PDCD6: variants seen among roughly 807,000 people sequenced by gnomAD.
PDCD6 encodes programmed cell death protein 6.
A neutral mutation model predicts 28.3 loss-of-function variants in PDCD6; 12 were observed. The observed-to-expected ratio is 0.42, with a 90% CI of 0.27 to 0.69. The LOEUF (loss-of-function observed/expected upper bound fraction) is 0.69, where lower values mean the gene tolerates loss of function less well. PDCD6 is among the 30% of genes least tolerant of loss of function. The pLI, the probability that PDCD6 is intolerant of heterozygous loss-of-function variation, is 0.22. For synonymous variants in PDCD6, 92 were observed against 108.0 expected (o/e 0.85, Z 0.92); for missense variants, 226 against 269.9 (o/e 0.84, Z 1.14).
At chr5:288,684 A>T in intron 2 of PDCD6, 1 of 409,414 alleles carries the variant, frequency 2.4e-6, no homozygotes, top group Non-Finnish European at 4.3e-6. Flanking sequence ...TACGTGTACA[A>T]CTCTTCCAGG....
At position 307,325 on chromosome 5, in the gene PDCD6, A is replaced by C; in HGVS notation, c.367+565A>C. Among the ~76,000 whole-genome samples the C allele has an allele frequency of 1.8e-5, 1 of 54,918 alleles. No individual in the cohort carries two copies. Among genetic ancestry groups the C allele is most frequent in the Non-Finnish European group, 5.2e-5 (1 of 19,234 alleles). 36.0% of individuals were successfully genotyped at this position (54,918 alleles called of 152,430 possible). A position where few individuals can be genotyped will look rare whatever the true frequency, so the allele number is the denominator to read the frequency against. ...TTAGGCAGAACGCGTGCCCATTCTC[A>C]GGTGTGCTCGGCGTGTGTGTGCTCG... On this transcript the variant is annotated intron_variant, in intron 4 of 5. Coordinates refer to ENST00000264933, the MANE Select transcript of PDCD6 (RefSeq NM_013232.4). The surrounding 1 kb of genome is among the most constrained non-coding windows in gnomAD (Gnocchi z 6.1).
At chr5:283,609 A>G (rs879264276) in intron 2 of PDCD6, among the ~76,000 whole-genome samples, 5 of 151,936 alleles carry the variant, frequency 3.3e-5, no homozygotes, top group Non-Finnish European at 5.9e-5. Flanking sequence ...GAAGGAGCTG[A>G]TGTTCTAGAT....
intron 2 of PDCD6, among the ~76,000 whole-genome samples, chr5:299,743 G>C (rs955001084): frequency 3.9e-5 from 6 of 152,044 alleles, no homozygotes; most frequent in African/African-American, 9.7e-5. Context: ...TAGAGATGGG[G>C]TTTCACCATA....
At chr5:297,977 A>G (rs1579520135) in intron 2 of PDCD6, among the ~76,000 whole-genome samples, 1 of 152,206 alleles carries the variant, frequency 6.6e-6, no homozygotes, top group African/African-American at 2.4e-5. Flanking sequence ...AACAAATGAC[A>G]AATTTATTTC....
chr5:291,530 A>G lies in PDCD6; in HGVS notation c.164-12647A>G, dbSNP rs369286430. 5.5e-3 allele frequency among the ~76,000 whole-genome samples: 740 copies of G among 133,736 alleles called. 7 individuals are homozygous for G. Among genetic ancestry groups the G allele is most frequent in the South Asian group, 0.055 (229 of 4,196 alleles). 87.7% of individuals were successfully genotyped at this position (133,736 alleles called of 152,430 possible). A position where few individuals can be genotyped will look rare whatever the true frequency, so the allele number is the denominator to read the frequency against. On this transcript the variant is annotated intron_variant, in intron 2 of 5. Transcript: ENST00000264933. ...CTCCCTGAGACCCACCCACACTGAC[A>G]TGGCTCATTTTCATTGCTGCGTGAT...
intron 5 of PDCD6, among the ~76,000 whole-genome samples, 198 bp from the exon 6 acceptor site, chr5:314,219 C>A (rs1345793930): frequency 6.6e-6 from 1 of 152,198 alleles, no homozygotes; most frequent in African/African-American, 2.4e-5. Context: ...AGCCCCGCAG[C>A]CCTGTGTTCT....
rs1296224854 is a variant in PDCD6, at chr5:296,556, A to G, written c.164-7621A>G. On this transcript the variant is annotated intron_variant, in intron 2 of 5. Transcript: ENST00000264933. ...GAGTGAGGGACCCCCAGAGACATGAATGGGTCTCAGATAGTGTGTGAGTGG... is the reference window on the plus strand; with the variant it reads ...GAGTGAGGGACCCCCAGAGACATGAGTGGGTCTCAGATAGTGTGTGAGTGG... Among the ~76,000 whole-genome samples the G allele has an allele frequency of 2.6e-5, 4 of 152,198 alleles. No individual in the cohort carries two copies. The South Asian group carries it at 8.3e-4, about 31-fold the overall frequency.
At position 305,142 on chromosome 5, in the gene PDCD6, C is replaced by T. The variant is rs574130712; in HGVS notation, c.208+921C>T. The T allele has an allele frequency of 6.6e-6, 1 of 152,520 alleles. No individual in the cohort carries two copies. The highest frequency in any genetic ancestry group is 1.9e-4 in the East Asian group (1 of 5,190). The allele number at this position is 152,520 out of a possible 1,614,324, so 9.4% of individuals were successfully genotyped here. On this transcript the variant is annotated intron_variant, in intron 3 of 5. Coordinates refer to ENST00000264933, the MANE Select transcript of PDCD6 (RefSeq NM_013232.4). This position sits in a 1 kb window ranked among gnomAD's most constrained non-coding sequence, Gnocchi z 4.0. ...TGTTCAGGAGAGTCATGTTTCCATC[C>T]CTACCCGACTTGATTTCTGGAAGGT...
intron 3 of PDCD6, chr5:306,087 A>T (rs796400071): frequency 6.2e-5 from 10 of 160,332 alleles, no homozygotes; most frequent in African/African-American, 2.1e-4. Flanking sequence ...AATAGGACAT[A>T]GGCGAGGGTC....
intron 2 of PDCD6, among the ~76,000 whole-genome samples, chr5:290,856 C>T (rs937607896): frequency 6.6e-6 from 1 of 152,168 alleles, no homozygotes; most frequent in African/African-American, 2.4e-5. Flanking sequence ...TGGTGAGGTT[C>T]CGTGGATGGA....
In PDCD6 at chr5:306,672, G is replaced by C; in HGVS notation, c.279G>C (p.Thr93=). ...TCACGGGTGTGTGGAAGTACATCACGGACTGGCAGAACGTCTTCCGCACGT... is the reference window on the plus strand; with the variant it reads ...TCACGGGTGTGTGGAAGTACATCACCGACTGGCAGAACGTCTTCCGCACGT... ...SEFTGVWKYI[T]DWQNVFRTYD... Residue 93 remains threonine, a synonymous_variant, in exon 4 of 6, where the codon ACG becomes ACC. Coordinates refer to ENST00000264933, the MANE Select transcript of PDCD6 (RefSeq NM_013232.4). 1.2e-6 allele frequency: 2 copies of C among 1,614,050 alleles called. No homozygotes were observed. The highest frequency in any genetic ancestry group is 3.3e-4 in the Middle Eastern group (2 of 6,062).
chr5:310,123 G>C (rs1470386028), intron 4 of PDCD6: 3 of 189,852 alleles, frequency 1.6e-5, no homozygotes, highest in Non-Finnish European at 3.3e-5. Context: ...GCTCAGCCCT[G>C]GTGCAGGGAG....
chr5:291,230 C>T (rs1739293571), intron 2 of PDCD6, among the ~76,000 whole-genome samples: 1 of 152,136 alleles, frequency 6.6e-6, no homozygotes. Context: ...TTTGAACTTT[C>T]TGTTTTCTTT....
chr5:308,945 A>C (rs2672770), intron 4 of PDCD6: 103,962 of 154,370 alleles, frequency 0.67, 35,712 homozygotes, highest in African/African-American at 0.75. Context: ...CGGCACCGGG[A>C]CAGCTGACTC....
intron 2 of PDCD6, among the ~76,000 whole-genome samples, chr5:302,292 G>GTGC (rs1233281479): frequency 6.8e-6 from 1 of 146,980 alleles, no homozygotes; most frequent in Non-Finnish European, 1.5e-5. Flanking sequence ...GGGTCATCGA[G>GTGC]TGCTGCTGTG....
intron 2 of PDCD6, among the ~76,000 whole-genome samples, chr5:293,034 C>G (rs1739404646): frequency 6.6e-6 from 1 of 152,206 alleles, no homozygotes; most frequent in Non-Finnish European, 1.5e-5. Flanking sequence ...TGTCCCCTCT[C>G]AAGTCTGCAC....
chr5:311,147 G>C, intron 4 of PDCD6, 146 bp from the exon 5 acceptor site: 1 of 678,294 alleles, frequency 1.5e-6, no homozygotes, highest in East Asian at 2.7e-5. Context: ...AGTTCTGAGT[G>C]CCTTTGAGGG....
intron 2 of PDCD6, chr5:276,519 T>G: frequency 1.3e-5 from 13 of 977,946 alleles, no homozygotes; most frequent in Non-Finnish European, 1.6e-5. Flanking sequence ...CAGGCTGGTC[T>G]CAAACTCCTA....
At chr5:296,223 G>C (rs1270157149) in intron 2 of PDCD6, among the ~76,000 whole-genome samples, 1 of 152,202 alleles carries the variant, frequency 6.6e-6, no homozygotes, top group Non-Finnish European at 1.5e-5. Flanking sequence ...TTCAACACCA[G>C]ATCTGATCGG....
Sources: allele counts gnomAD v4.1 joint callset (sites outside exome capture counted in the v4.1 genomes callset), GRCh38; gene constraint gnomAD v4.1.1; non-coding constraint Gnocchi (gnomAD v3.1); transcripts MANE v1.5; gene names NCBI Gene and HGNC (gene_info 2026-07-23, HGNC 2026-07-21).